Variants in KLHL32 observed in about 807,000 individuals in gnomAD.
KLHL32 encodes the protein kelch-like protein 32.
Under a neutral mutation model 64.8 loss-of-function variants are expected in KLHL32, and 35 were observed. The observed-to-expected ratio is 0.54, with a 90% CI of 0.41 to 0.72. The LOEUF is 0.72. Ranked by LOEUF, KLHL32 falls within the 30% of genes least tolerant of loss-of-function variation. The pLI is 0.00. For synonymous variants in KLHL32, 259 were observed against 281.0 expected (o/e 0.92, Z 0.78); for missense variants, 589 against 768.5 (o/e 0.77, Z 2.76).
chr6:97,104,644 A>G (rs984456635), intron 6 of KLHL32, among the ~76,000 whole-genome samples: 1 of 152,200 alleles, frequency 6.6e-6, no homozygotes, highest in Non-Finnish European at 1.5e-5. Context: ...TGTGTCTTAC[A>G]TAAGTCTGTA....
At chr6:96,898,234 T>C in the KLHL32 span, among the ~76,000 whole-genome samples, 10 of 152,270 alleles carry the variant, frequency 6.6e-5, no homozygotes, top group Non-Finnish European at 1.0e-4. Flanking sequence ...GAGCTGAAAA[T>C]CAAAGTCGTA....
chr6:96,919,647 G>GC (rs1768691018), upstream of KLHL32, among the ~76,000 whole-genome samples: 1 of 151,764 alleles, frequency 6.6e-6, no homozygotes, highest in Non-Finnish European at 1.5e-5. Context: ...TGTTATAATA[G>GC]CCACTTTTAT....
At chr6:96,946,598 A>G (rs1771943890) in intron 1 of KLHL32, among the ~76,000 whole-genome samples, 1 of 152,206 alleles carries the variant, frequency 6.6e-6, no homozygotes, top group Non-Finnish European at 1.5e-5. Context: ...GTGAGGAACA[A>G]GGGCCTGGAT....
At chr6:97,100,995 A>G in intron 6 of KLHL32, among the ~76,000 whole-genome samples, 1 of 50,510 alleles carries the variant, frequency 2.0e-5, no homozygotes, top group Non-Finnish European at 4.0e-5. Flanking sequence ...TTTGGTAGAG[A>G]CAGGGCCTCC....
At chr6:97,053,109 C>T (rs1387356553) in intron 4 of KLHL32, among the ~76,000 whole-genome samples, 3 of 152,132 alleles carry the variant, frequency 2.0e-5, no homozygotes, top group African/African-American at 7.2e-5. Flanking sequence ...CACACGCACA[C>T]ACATTCTCTC....
chr6:97,061,096 C>A (rs776096211), intron 4 of KLHL32, among the ~76,000 whole-genome samples: 25 of 152,180 alleles, frequency 1.6e-4, no homozygotes, highest in Non-Finnish European at 2.6e-4. Flanking sequence ...TCGAGAACAG[C>A]CCCTTGTGTT....
chr6:97,091,121 T>C (rs1248260942), intron 6 of KLHL32, among the ~76,000 whole-genome samples: 1 of 152,166 alleles, frequency 6.6e-6, no homozygotes, highest in East Asian at 1.9e-4. Flanking sequence ...AAAGGGCAGG[T>C]TCACCTGAGC....
At position 96,967,093 on chromosome 6, in the gene KLHL32, G is replaced by A. The variant is rs781743603; in HGVS notation, c.23+10G>A. 8.1e-6 allele frequency: 13 copies of A among 1,613,040 alleles called. No homozygotes were observed. Among genetic ancestry groups the A allele is most frequent in the Non-Finnish European group, 1.1e-5 (13 of 1,179,512 alleles). On this transcript the variant is annotated intron_variant, in intron 2 of 10. Coordinates refer to ENST00000369261, the MANE Select transcript of KLHL32 (RefSeq NM_052904.4). ...CTGAACGCTGCCTCAGGTATGCCCT[G>A]TAGGATATGTCCTCACATGCCGTAG... is the stretch of plus-strand genomic sequence containing the variant.
In KLHL32 at chr6:96,946,348, G is replaced by A. The variant is rs117340950; in HGVS notation, c.-65-20648G>A. ...AGTTTTTTAAAGCACTTATTATCTCGTGGCACACCATATCACTTACTTATT... is the reference window on the plus strand; with the variant it reads ...AGTTTTTTAAAGCACTTATTATCTCATGGCACACCATATCACTTACTTATT... On this transcript the variant is annotated intron_variant, in intron 1 of 10. Coordinates refer to ENST00000369261, the MANE Select transcript of KLHL32 (RefSeq NM_052904.4). 2.7e-3 allele frequency among the ~76,000 whole-genome samples: 406 copies of A among 151,946 alleles called. 2 individuals carry two copies. Among genetic ancestry groups the A allele is most frequent in the Non-Finnish European group, 2.4e-3 (162 of 67,988 alleles).
At chr6:97,100,957 G>T (rs1216522340) in intron 6 of KLHL32, among the ~76,000 whole-genome samples, 2 of 119,286 alleles carry the variant, frequency 1.7e-5, no homozygotes, top group Non-Finnish European at 3.3e-5. Context: ...ATGTGCCACT[G>T]CAGCCAAGCT....
chr6:96,933,340 G>T (rs550943762), intron 1 of KLHL32, among the ~76,000 whole-genome samples: 1 of 152,262 alleles, frequency 6.6e-6, no homozygotes, highest in South Asian at 2.1e-4. Flanking sequence ...GATTGCTTCA[G>T]AATTCCGTTG....
intron 3 of KLHL32, among the ~76,000 whole-genome samples, chr6:96,995,449 T>G (rs1319785474): frequency 3.3e-5 from 5 of 152,214 alleles, no homozygotes; most frequent in Non-Finnish European, 7.4e-5. Context: ...CAAACCATTG[T>G]GCAGATGACT....
At chr6:96,960,666 G>A (rs1184098729) in intron 1 of KLHL32, among the ~76,000 whole-genome samples, 1 of 152,154 alleles carries the variant, frequency 6.6e-6, no homozygotes, top group African/African-American at 2.4e-5. Context: ...CCCTGACACA[G>A]CCCTCAGGAG....
intron 1 of KLHL32, among the ~76,000 whole-genome samples, chr6:96,952,675 G>A (rs1447980874): frequency 1.3e-5 from 2 of 152,224 alleles, no homozygotes; most frequent in African/African-American, 4.8e-5. Flanking sequence ...ATTCTGTAAA[G>A]AGGTGAGCAT....
chr6:97,137,533 TAA>T (rs1800162604), intron 10 of KLHL32, among the ~76,000 whole-genome samples: 1 of 151,982 alleles, frequency 6.6e-6, no homozygotes, highest in African/African-American at 2.4e-5. Context: ...TTGTTGAAGT[TAA>T]AGTCTTTTTT....
intron 6 of KLHL32, among the ~76,000 whole-genome samples, chr6:97,095,771 G>A (rs1309138236): frequency 6.6e-6 from 1 of 152,192 alleles, no homozygotes; most frequent in Non-Finnish European, 1.5e-5. Context: ...GAGGAATGCA[G>A]CCCTTGAGAA....
At chr6:97,095,587 C>T (rs1038820409) in intron 6 of KLHL32, among the ~76,000 whole-genome samples, 6 of 152,170 alleles carry the variant, frequency 3.9e-5, no homozygotes, top group African/African-American at 1.2e-4. Flanking sequence ...ATCCTGAAGC[C>T]ACTCCTATTT....
At chr6:97,057,803 A>C (rs984245534) in intron 4 of KLHL32, among the ~76,000 whole-genome samples, 1 of 152,128 alleles carries the variant, frequency 6.6e-6, no homozygotes, top group African/African-American at 2.4e-5. Flanking sequence ...GCTGTATCTA[A>C]AGAGTCATTG....
At chr6:96,955,043 G>A (rs1332498564) in intron 1 of KLHL32, among the ~76,000 whole-genome samples, 1 of 152,164 alleles carries the variant, frequency 6.6e-6, no homozygotes, top group Non-Finnish European at 1.5e-5. Flanking sequence ...ATCACATTGT[G>A]GAGAAACGAG....
Sources: gnomAD v4.1 joint callset for allele counts (sites outside exome capture counted in the v4.1 genomes callset) on GRCh38, gnomAD v4.1.1 for gene constraint, MANE v1.5 for transcripts, NCBI Gene and HGNC (gene_info 2026-07-23, HGNC 2026-07-21) for gene names.